The following IST1 variants were observed in gnomAD, a reference collection of about 807,000 sequenced individuals.
The protein encoded by IST1 is IST1 homolog.
IST1 carries 23 observed loss-of-function variants against 37.0 expected under a neutral mutation model. The observed-to-expected ratio is 0.62, with a 90% CI of 0.45 to 0.88. IST1 has a LOEUF of 0.88. Among genes scored for constraint, IST1 ranks in the 40% least tolerant of loss-of-function variants. The probability of loss-of-function intolerance (pLI) is 0.00; values close to 1 mark genes in which losing one functional copy is unlikely to be tolerated. For synonymous variants in IST1, 180 were observed against 161.7 expected, an observed-to-expected ratio of 1.11 and a Z score of -0.86; for missense variants, 488 against 445.4, an observed-to-expected ratio of 1.10 and a Z score of -0.86.
At chr16:71,909,072 T>C (rs1183988483) in intron 1 of IST1, among the ~76,000 whole-genome samples, 2 of 151,592 alleles carry the variant, frequency 1.3e-5, no homozygotes, top group Non-Finnish European at 2.9e-5. Context: ...TATTCTGTCA[T>C]GTTTTTGTCA....
chr16:71,903,670 G>A (rs1477607410), intron 1 of IST1: 1 of 152,170 alleles, frequency 6.6e-6, no homozygotes, highest in Non-Finnish European at 1.5e-5. Context: ...AGTAGCTGAG[G>A]TTATAGGTGA....
intron 1 of IST1, among the ~76,000 whole-genome samples, chr16:71,908,047 C>G (rs1413402567): frequency 6.6e-6 from 1 of 152,074 alleles, no homozygotes; most frequent in Non-Finnish European, 1.5e-5. Context: ...CGGGTTCAAG[C>G]AGTTCTCTGC....
chr16:71,917,564 C>G (rs1240250168), intron 4 of IST1, among the ~76,000 whole-genome samples: 2 of 152,200 alleles, frequency 1.3e-5, no homozygotes, highest in Admixed American at 6.5e-5. Context: ...CAGCCATACT[C>G]CTGTAGCTTA....
At chr16:71,898,636 T>C (rs1425661732) in intron 1 of IST1, among the ~76,000 whole-genome samples, 5 of 143,432 alleles carry the variant, frequency 3.5e-5, no homozygotes, top group African/African-American at 1.3e-4. Flanking sequence ...AAGATCCAGC[T>C]TGGGCCACAG....
intron 1 of IST1, among the ~76,000 whole-genome samples, chr16:71,915,106 A>G (rs1278561763): frequency 1.3e-5 from 2 of 152,172 alleles, no homozygotes; most frequent in Non-Finnish European, 2.9e-5. Flanking sequence ...CTTTTCCCCA[A>G]AAACTGAGAC....
intron 1 of IST1, among the ~76,000 whole-genome samples, chr16:71,902,337 T>C (rs1454796911): frequency 6.6e-6 from 1 of 152,008 alleles, no homozygotes; most frequent in African/African-American, 2.4e-5. Flanking sequence ...TGGTGTGATC[T>C]CGGCTCACTG....
chr16:71,904,640 C>T (rs2037180545), intron 1 of IST1, among the ~76,000 whole-genome samples: 1 of 152,172 alleles, frequency 6.6e-6, no homozygotes, highest in African/African-American at 2.4e-5. Context: ...AACTCCTGAG[C>T]TCCAGCGATC....
chr16:71,919,559 G>T (rs2037534817), intron 4 of IST1, among the ~76,000 whole-genome samples: 1 of 152,088 alleles, frequency 6.6e-6, no homozygotes, highest in South Asian at 2.1e-4. Flanking sequence ...GCTAATTTTT[G>T]TATCTTTTAA....
Position 71,910,414 on chromosome 16 carries a change from G to C in IST1, c.-15-5212G>C, listed in dbSNP as rs562102968. Among the ~76,000 whole-genome samples, 189 of 152,134 alleles carry C rather than the reference G, an allele frequency of 1.2e-3. 1 individual carries two copies. Among genetic ancestry groups the C allele is most frequent in the Non-Finnish European group, 2.0e-3 (139 of 67,992 alleles). Reference sequence around the variant, plus strand: ...AAAGTCAGGAGATCGAGACCATCCTGGCTAACACGGTGAAACCCCGTCTCT... The same window carrying C: ...AAAGTCAGGAGATCGAGACCATCCTCGCTAACACGGTGAAACCCCGTCTCT... On this transcript the variant is annotated intron_variant, in intron 1 of 9. Transcript: ENST00000378799.
At chr16:71,899,135 C>A (rs745516822) in intron 1 of IST1, among the ~76,000 whole-genome samples, 4 of 152,044 alleles carry the variant, frequency 2.6e-5, no homozygotes, top group African/African-American at 9.7e-5. Context: ...AATTCTGAAG[C>A]CTTATTTTCT....
chr16:71,926,405 G>A (rs554909990), intron 9 of IST1, among the ~76,000 whole-genome samples: 20 of 151,200 alleles, frequency 1.3e-4, no homozygotes, highest in African/African-American at 4.4e-4. Context: ...ATGCAGTGGC[G>A]TGATCTCGGC....
chr16:71,899,873 AT>A (rs2037063094), intron 1 of IST1, among the ~76,000 whole-genome samples: 2 of 152,064 alleles, frequency 1.3e-5, no homozygotes, highest in South Asian at 4.2e-4. Context: ...AATATAAAAA[AT>A]TAGCTGGGTA....
At chr16:71,924,719 C>G (rs572021369) in intron 8 of IST1, 50 bp from the exon 9 acceptor site, 1 of 1,403,698 alleles carries the variant, frequency 7.1e-7, no homozygotes, top group South Asian at 1.2e-5. Flanking sequence ...CCAGTACTTT[C>G]TCCAGTGACA....
intron 1 of IST1, among the ~76,000 whole-genome samples, chr16:71,900,833 T>C (rs1490963897): frequency 6.6e-6 from 1 of 152,180 alleles, no homozygotes; most frequent in East Asian, 1.9e-4. Context: ...AAGCTCTCAT[T>C]TGAATGTCTG....
At chr16:71,926,933 A>C (rs576640177) in intron 9 of IST1, among the ~76,000 whole-genome samples, 1 of 152,258 alleles carries the variant, frequency 6.6e-6, no homozygotes, top group Admixed American at 6.5e-5. Flanking sequence ...TATTCCTTTA[A>C]AAAAACTTTG....
At chr16:71,927,209 CTTTT>C (rs761116796) in intron 9 of IST1, among the ~76,000 whole-genome samples, 27 of 151,938 alleles carry the variant, frequency 1.8e-4, no homozygotes, top group Non-Finnish European at 3.8e-4. Flanking sequence ...CTAGAATTAA[CTTTT>C]TTTTAGCCAG....
upstream of IST1, chr16:71,895,134 T>G (rs1403920307): frequency 3.4e-6 from 1 of 292,634 alleles, no homozygotes; most frequent in Non-Finnish European, 6.5e-6. Flanking sequence ...GCAGCAGATC[T>G]TAGGGAGCAA....
chr16:71,907,774 A>G (rs1333706822), intron 1 of IST1, among the ~76,000 whole-genome samples: 1 of 151,570 alleles, frequency 6.6e-6, no homozygotes, highest in East Asian at 1.9e-4. Context: ...TAGTCCATAC[A>G]GTTTCTTTCT....
In IST1 at chr16:71,923,212, C is replaced by A. The variant is rs2037651113; in HGVS notation, c.760-76C>A. ...TATGAGAATATAAATGTATTTCTTT[C>A]TCCCTTCCCATACCCAAACCTTCGA... is the stretch of plus-strand genomic sequence containing the variant. On this transcript the variant is annotated intron_variant, in intron 7 of 9. Coordinates refer to ENST00000378799, the MANE Select transcript of IST1 (RefSeq NM_001270975.2). 1.1e-5 allele frequency: 8 copies of A among 748,594 alleles called. No homozygotes were observed. In the South Asian group the frequency reaches 1.3e-4, roughly 13 times the overall value. The allele number at this position is 748,594 out of a possible 1,614,324, so 46.4% of individuals were successfully genotyped here. A position where few individuals can be genotyped will look rare whatever the true frequency, so the allele number is the denominator to read the frequency against.
Sources: allele counts gnomAD v4.1 joint callset (sites outside exome capture counted in the v4.1 genomes callset), GRCh38; gene constraint gnomAD v4.1.1; transcripts MANE v1.5; gene names NCBI Gene and HGNC (gene_info 2026-07-23, HGNC 2026-07-21).